Variants in ZNF521 observed in about 807,000 individuals in gnomAD.
The protein encoded by ZNF521 is zinc finger protein 521.
In ZNF521, 14 loss-of-function variants were observed where a neutral mutation model predicts 105.5. That is an observed-to-expected ratio of 0.13 (90% confidence interval 0.09 to 0.21). The LOEUF (loss-of-function observed/expected upper bound fraction) is 0.21, where lower values mean the gene tolerates loss of function less well. Ranked by LOEUF, ZNF521 falls within the 10% of genes least tolerant of loss-of-function variation. The pLI, the probability that ZNF521 is intolerant of heterozygous loss-of-function variation, is 1.00. For synonymous variants in ZNF521, 635 were observed against 606.0 expected, an observed-to-expected ratio of 1.05 and a Z score of -0.70; for missense variants, 1,233 against 1,629.7, an observed-to-expected ratio of 0.76 and a Z score of 4.19.
At chr18:25,237,995 T>C (rs537305288) in intron 3 of ZNF521, among the ~76,000 whole-genome samples, 2 of 152,268 alleles carry the variant, frequency 1.3e-5, no homozygotes, top group African/African-American at 4.8e-5. Flanking sequence ...ATTTTACAGA[T>C]GAACAAATAG....
intron 5 of ZNF521, among the ~76,000 whole-genome samples, chr18:25,098,092 C>T (rs991663534): frequency 2.6e-5 from 4 of 151,962 alleles, no homozygotes; most frequent in Admixed American, 6.6e-5. Flanking sequence ...GATGCAATAT[C>T]GTCCAATTCC....
chr18:25,186,904 T>TAAAAAAAAAAAAA (rs113619835), intron 5 of ZNF521, among the ~76,000 whole-genome samples: 2 of 74,330 alleles, frequency 2.7e-5, no homozygotes, highest in African/African-American at 8.6e-5. Flanking sequence ...AAAGTAATGC[T>TAAAAAAAAAAAAA]AAAAAAAAAA....
At chr18:25,291,271 A>C (rs755255893) in intron 3 of ZNF521, among the ~76,000 whole-genome samples, 1 of 152,212 alleles carries the variant, frequency 6.6e-6, no homozygotes, top group Non-Finnish European at 1.5e-5. Flanking sequence ...CAAAAATGTA[A>C]ACATTAAAGT....
intron 5 of ZNF521, among the ~76,000 whole-genome samples, chr18:25,137,527 T>C (rs1356969813): frequency 1.3e-5 from 2 of 152,134 alleles, no homozygotes; most frequent in African/African-American, 4.8e-5. Context: ...AAGCAGACAA[T>C]CACAGGTATG....
intron 2 of ZNF521, among the ~76,000 whole-genome samples, chr18:25,349,567 C>A (rs1914614457): frequency 6.6e-6 from 1 of 152,228 alleles, no homozygotes; most frequent in South Asian, 2.1e-4. Flanking sequence ...GTGAGGGCTC[C>A]GTTCATCGAG....
intron 3 of ZNF521, among the ~76,000 whole-genome samples, chr18:25,278,988 G>A (rs1910206700): frequency 6.6e-6 from 1 of 152,084 alleles, no homozygotes; most frequent in African/African-American, 2.4e-5. Context: ...CCCAAATTGT[G>A]GAGAAACTGG....
At chr18:25,175,228 T>C (rs942143911) in intron 5 of ZNF521, among the ~76,000 whole-genome samples, 3 of 152,216 alleles carry the variant, frequency 2.0e-5, no homozygotes, top group Admixed American at 6.5e-5. Flanking sequence ...GGGCCATTCC[T>C]ACCTCCGACG....
intron 2 of ZNF521, among the ~76,000 whole-genome samples, chr18:25,325,388 A>C (rs1223299034): frequency 6.6e-6 from 1 of 152,134 alleles, no homozygotes; most frequent in African/African-American, 2.4e-5. Flanking sequence ...ATAAAAAATA[A>C]TTGTATTACT....
intron 7 of ZNF521, among the ~76,000 whole-genome samples, chr18:25,071,333 G>A (rs1234741596): frequency 6.6e-6 from 1 of 152,152 alleles, no homozygotes; most frequent in Non-Finnish European, 1.5e-5. Context: ...ATTTCCAGAA[G>A]TGTTCATTCT....
At chr18:25,068,827 T>C (rs1475962541) in intron 7 of ZNF521, among the ~76,000 whole-genome samples, 1 of 152,178 alleles carries the variant, frequency 6.6e-6, no homozygotes, top group African/African-American at 2.4e-5. Flanking sequence ...GCATATACTG[T>C]ACGTGACTTA....
At chr18:25,078,622 T>C (rs142554492) in intron 7 of ZNF521, among the ~76,000 whole-genome samples, 68 of 152,368 alleles carry the variant, frequency 4.5e-4, no homozygotes, top group African/African-American at 1.6e-3. Context: ...AAAGGCCATT[T>C]CTGCAGCTTA....
rs950049609 is a variant in ZNF521 at position 25,103,949 on chromosome 18, G to A, written c.3659-11868C>T. Among the ~76,000 whole-genome samples, 5 of 151,998 alleles carry A rather than the reference G, an allele frequency of 3.3e-5. No individual in the cohort carries two copies. In the East Asian group the frequency reaches 9.6e-4, roughly 29 times the overall value. On this transcript the variant is annotated intron_variant, in intron 5 of 7. Transcript: ENST00000361524. ...AGATGTCTCTGGGTATTTTTGCTATGTCAAAAACCAAAGCTAAAGACTATG... is the reference window on the plus strand; with the variant it reads ...AGATGTCTCTGGGTATTTTTGCTATATCAAAAACCAAAGCTAAAGACTATG...
intron 5 of ZNF521, among the ~76,000 whole-genome samples, chr18:25,105,490 A>G (rs1367646326): frequency 6.6e-6 from 1 of 152,156 alleles, no homozygotes; most frequent in Non-Finnish European, 1.5e-5. Context: ...TGTTGCTAAG[A>G]TTATAACAAT....
At chr18:25,113,175 T>A (rs2034229872) in intron 5 of ZNF521, among the ~76,000 whole-genome samples, 2 of 152,144 alleles carry the variant, frequency 1.3e-5, no homozygotes, top group Non-Finnish European at 2.9e-5. Flanking sequence ...CTCTACCCTA[T>A]CATCCCCAAG....
intron 5 of ZNF521, among the ~76,000 whole-genome samples, chr18:25,115,629 T>C (rs2034286844): frequency 6.6e-6 from 1 of 152,220 alleles, no homozygotes; most frequent in Non-Finnish European, 1.5e-5. Context: ...ATGCTTCCCA[T>C]TCTCATATCA....
chr18:25,103,523 TAACCCCATACTTACGTATGGAA>T (rs1567962830), intron 5 of ZNF521, among the ~76,000 whole-genome samples: 1 of 152,146 alleles, frequency 6.6e-6, no homozygotes, highest in Non-Finnish European at 1.5e-5. Flanking sequence ...ACTAGAAACA[TAACCCCATACTTACGTATGGAA>T]AATAGGTCAG....
chr18:25,255,167 C>T (rs1010392838), intron 3 of ZNF521, among the ~76,000 whole-genome samples: 21 of 152,014 alleles, frequency 1.4e-4, no homozygotes, highest in African/African-American at 5.1e-4. Flanking sequence ...CCAGTGTGGA[C>T]CAGAAACACA....
At chr18:25,350,624 TTCTC>T (rs528464236) in intron 2 of ZNF521, among the ~76,000 whole-genome samples, 339 of 151,812 alleles carry the variant, frequency 2.2e-3, no homozygotes, top group Middle Eastern at 0.014. Context: ...TTTCGTTTCT[TTCTC>T]TCTCTCTCTC....
chr18:25,336,616 T>A (rs1296124971), intron 2 of ZNF521, among the ~76,000 whole-genome samples: 1 of 152,212 alleles, frequency 6.6e-6, no homozygotes, highest in Non-Finnish European at 1.5e-5. Flanking sequence ...AAAGCAAAGT[T>A]AGATTTTGGA....
Sources: gnomAD v4.1 joint callset for allele counts (sites outside exome capture counted in the v4.1 genomes callset) on GRCh38, gnomAD v4.1.1 for gene constraint, MANE v1.5 for transcripts, NCBI Gene and HGNC (gene_info 2026-07-23, HGNC 2026-07-21) for gene names.